ATG13: variants seen among roughly 807,000 people sequenced by gnomAD.
The protein encoded by ATG13 is autophagy related 13, also known as autophagy-related protein 13.
ATG13 carries 23 observed loss-of-function variants against 65.5 expected under a neutral mutation model. The observed-to-expected ratio is 0.35, with a 90% confidence interval of 0.25 to 0.50. The LOEUF (loss-of-function observed/expected upper bound fraction) is 0.50. Among genes scored for constraint, ATG13 ranks in the 20% least tolerant of loss-of-function variants. ATG13 has a pLI of 0.98. For missense variants in ATG13, 566 were observed against 677.0 expected (o/e 0.84, Z 1.82); for synonymous variants, 252 against 245.2 (o/e 1.03, Z -0.26).
At chr11:46,640,177 T>TTC (rs985760158) in intron 2 of ATG13, among the ~76,000 whole-genome samples, 1 of 152,164 alleles carries the variant, frequency 6.6e-6, no homozygotes, top group Admixed American at 6.6e-5. Context: ...AGTCTTATGA[T>TTC]TCTAACATCA....
chr11:46,623,775 C>G (rs962059859), intron 1 of ATG13, among the ~76,000 whole-genome samples: 6 of 152,032 alleles, frequency 3.9e-5, no homozygotes, highest in African/African-American at 1.4e-4. Flanking sequence ...TAATTCAAAT[C>G]TACAGAAAAG....
intron 7 of ATG13, among the ~76,000 whole-genome samples, chr11:46,651,578 T>C (rs972351361): frequency 6.6e-6 from 1 of 152,196 alleles, no homozygotes. Context: ...TGATAAGCCA[T>C]TGGTTTAAGC....
chr11:46,636,765 T>C (rs2054128607), intron 2 of ATG13, among the ~76,000 whole-genome samples: 2 of 151,646 alleles, frequency 1.3e-5, no homozygotes, highest in Non-Finnish European at 2.9e-5. Context: ...CCTATGTGAT[T>C]TAGTTGATAC....
At chr11:46,653,354 A>T (rs1036142753) in intron 7 of ATG13, among the ~76,000 whole-genome samples, 12 of 151,134 alleles carry the variant, frequency 7.9e-5, no homozygotes, top group Admixed American at 7.2e-4. Context: ...TTGTATTTTA[A>T]TTAGAGATGG....
At chr11:46,651,022 G>C (rs1331967457) in intron 7 of ATG13, among the ~76,000 whole-genome samples, 1 of 152,186 alleles carries the variant, frequency 6.6e-6, no homozygotes, top group African/African-American at 2.4e-5. Context: ...TTTTTAATTA[G>C]TTGTCTGTGG....
At chr11:46,647,638 C>A (rs942355882) in intron 5 of ATG13, among the ~76,000 whole-genome samples, 2 of 151,294 alleles carry the variant, frequency 1.3e-5, no homozygotes, top group African/African-American at 4.9e-5. Flanking sequence ...GTGGCGCAGT[C>A]ATGGCTCACT....
Position 46,650,182 on chromosome 11 carries a change from A to G in ATG13, c.323A>G (p.Asp108Gly). The G allele has an allele frequency of 6.2e-7, 1 of 1,613,788 alleles. No homozygotes were observed. The highest frequency in any genetic ancestry group is 8.5e-7 in the Non-Finnish European group (1 of 1,179,780). ...CATATCTTTGTGCCTGGCAGGTGTG[A>G]TAAAGAAATCAAAGTTTCCTACACG... ...IWCLEMNEKC[D>G]KEIKVSYTVY... Residue 108 changes from aspartate (D) to glycine (G), a missense_variant, in exon 7 of 19, where the codon GAT (aspartate) becomes GGT (glycine). By Grantham distance (94) the Asp-to-Gly change is moderately conservative. Transcript: ENST00000683050.
intron 2 of ATG13, among the ~76,000 whole-genome samples, chr11:46,634,426 T>A (rs1262847472): frequency 6.6e-6 from 1 of 150,858 alleles, no homozygotes; most frequent in Non-Finnish European, 1.5e-5. Context: ...TTTTTGAGTC[T>A]GAGTTTTTGT....
At chr11:46,650,395 G>T in intron 7 of ATG13, 78 bp downstream of exon 7, 1 of 1,528,370 alleles carries the variant, frequency 6.5e-7, no homozygotes, top group Non-Finnish European at 8.9e-7. Flanking sequence ...TAGATGTTCT[G>T]TGATGATGTT....
chr11:46,632,154 G>A (rs1309236235), intron 2 of ATG13, among the ~76,000 whole-genome samples: 1 of 151,956 alleles, frequency 6.6e-6, no homozygotes, highest in Non-Finnish European at 1.5e-5. Flanking sequence ...AAGTTTAAAG[G>A]GATAGCAATA....
intron 10 of ATG13, among the ~76,000 whole-genome samples, chr11:46,658,573 T>G (rs2060496411): frequency 6.6e-6 from 1 of 151,726 alleles, no homozygotes; most frequent in Non-Finnish European, 1.5e-5. Flanking sequence ...TTCACTCTTG[T>G]TGTCCAGGCT....
chr11:46,668,779 C>T lies in ATG13; in HGVS notation c.1330-15C>T. ...GTCACAGCATCAGCCCTAATCCTGC[C>T]TTGCTATGAAACAGGTGAATCCTCC... On this transcript the variant is annotated splice_polypyrimidine_tract_variant and intron_variant, in intron 16 of 18. Transcript: ENST00000683050. 6.3e-7 allele frequency: 1 copy of T among 1,598,690 alleles called. No individual in the cohort carries two copies. Among genetic ancestry groups the T allele is most frequent in the Non-Finnish European group, 8.6e-7 (1 of 1,167,260 alleles).
At chr11:46,630,134 C>T (rs1352963142) in intron 2 of ATG13, 34 bp downstream of exon 2, 1 of 152,046 alleles carries the variant, frequency 6.6e-6, no homozygotes, top group African/African-American at 2.4e-5. Flanking sequence ...CTTTTTAAGC[C>T]ATATAAAATT....
intron 7 of ATG13, among the ~76,000 whole-genome samples, chr11:46,653,893 C>T (rs1458132904): frequency 6.6e-6 from 1 of 151,944 alleles, no homozygotes; most frequent in Non-Finnish European, 1.5e-5. Flanking sequence ...ATTGTTGGAG[C>T]TTAGTATTTA....
At chr11:46,638,273 C>T (rs1401645383) in intron 2 of ATG13, among the ~76,000 whole-genome samples, 2 of 151,958 alleles carry the variant, frequency 1.3e-5, no homozygotes, top group Admixed American at 6.6e-5. Context: ...CCTGTCTCTA[C>T]TAAAAATACA....
intron 5 of ATG13, among the ~76,000 whole-genome samples, chr11:46,647,279 TG>T (rs1353512517): frequency 1.1e-4 from 3 of 26,714 alleles, no homozygotes; most frequent in Non-Finnish European, 5.0e-4. Context: ...TTGTTTTTTT[TG>T]TTTTTTTTTT....
chr11:46,626,477 T>G (rs1367203836), intron 1 of ATG13, among the ~76,000 whole-genome samples: 1 of 152,070 alleles, frequency 6.6e-6, no homozygotes, highest in Non-Finnish European at 1.5e-5. Flanking sequence ...CTCGAACTCC[T>G]GACCTCAGGT....
chr11:46,667,318 C>T (rs2062598529), intron 14 of ATG13, among the ~76,000 whole-genome samples: 1 of 152,134 alleles, frequency 6.6e-6, no homozygotes, highest in East Asian at 1.9e-4. Context: ...CTTAGGGCCC[C>T]CTGTGCAGGA....
chr11:46,625,934 G>A (rs2049419430), intron 1 of ATG13, among the ~76,000 whole-genome samples: 1 of 152,048 alleles, frequency 6.6e-6, no homozygotes, highest in Non-Finnish European at 1.5e-5. Context: ...AGCCATATTT[G>A]GGGGTATTGA....
Sources: gnomAD v4.1 joint callset for allele counts (sites outside exome capture counted in the v4.1 genomes callset) on GRCh38, gnomAD v4.1.1 for gene constraint, MANE v1.5 for transcripts, NCBI Gene and HGNC (gene_info 2026-07-23, HGNC 2026-07-21) for gene names.